CATSPERB: variants seen among roughly 807,000 people sequenced by gnomAD.
CATSPERB encodes the protein cation channel sperm-associated auxiliary subunit beta.
CATSPERB carries 93 observed loss-of-function variants against 128.3 expected under a neutral mutation model. That is an observed-to-expected ratio of 0.72 (90% CI 0.61 to 0.86). The LOEUF is 0.86. Among genes scored for constraint, CATSPERB ranks in the 40% least tolerant of loss-of-function variants. CATSPERB has a pLI of 0.00. For missense variants in CATSPERB, 1,153 were observed against 1,329.5 expected (o/e 0.87, Z 2.06); for synonymous variants, 381 against 448.8 (o/e 0.85, Z 1.91).
At position 91,691,537 on chromosome 14, in the gene CATSPERB, A is replaced by C; in HGVS notation, c.850T>G (p.Cys284Gly). Reference sequence around the variant, plus strand: ...AAGCTTCTTACCCTTTCAAAACCACAAAAGTCTGCCCTGGAAAACTAGAAG... The same window carrying C: ...AAGCTTCTTACCCTTTCAAAACCACCAAAGTCTGCCCTGGAAAACTAGAAG... ...HSLSFSRADF[C>G]GFERVDYVKG... Residue 284 changes from cysteine to glycine, a missense_variant, in exon 10 of 27, where the codon TGT becomes GGT. Transcript: ENST00000256343. 1.2e-6 allele frequency: 2 copies of C among 1,604,910 alleles called. No homozygotes were observed. Among genetic ancestry groups the C allele is most frequent in the Non-Finnish European group, 1.7e-6 (2 of 1,175,338 alleles).
At chr14:91,586,574 A>AGG (rs1893305129) in intron 26 of CATSPERB, among the ~76,000 whole-genome samples, 1 of 149,540 alleles carries the variant, frequency 6.7e-6, no homozygotes, top group African/African-American at 2.5e-5. Context: ...AGAGAGAAAG[A>AGG]GAGAGAGAGA....
intron 18 of CATSPERB, among the ~76,000 whole-genome samples, chr14:91,624,080 G>A (rs1282558261): frequency 6.6e-6 from 1 of 152,162 alleles, no homozygotes; most frequent in Non-Finnish European, 1.5e-5. Flanking sequence ...GAGTGTGGTG[G>A]CTAATGCCTA....
intron 5 of CATSPERB, among the ~76,000 whole-genome samples, chr14:91,712,056 A>G (rs1273936128): frequency 6.6e-6 from 1 of 152,202 alleles, no homozygotes; most frequent in African/African-American, 2.4e-5. Context: ...AATTTATTGG[A>G]TGCAGATAAA....
chr14:91,664,851 TCTGA>T (rs939427140), intron 14 of CATSPERB, among the ~76,000 whole-genome samples: 16 of 152,310 alleles, frequency 1.1e-4, no homozygotes, highest in Admixed American at 9.8e-4. Context: ...TATCTTTAAT[TCTGA>T]CTATTTATTG....
At chr14:91,680,663 GACA>G (rs1895264657) in intron 11 of CATSPERB, among the ~76,000 whole-genome samples, 1 of 151,780 alleles carries the variant, frequency 6.6e-6, no homozygotes, top group Non-Finnish European at 1.5e-5. Flanking sequence ...TGGAGGGCAT[GACA>G]GACCTGGGAA....
rs755061842 is a variant in CATSPERB at position 91,659,883 on chromosome 14, A to G, written c.1386T>C (p.Ala462=). 155 of 1,602,494 alleles carry G rather than the reference A, an allele frequency of 9.7e-5. No homozygotes were observed. The highest frequency in any genetic ancestry group is 1.3e-4 in the Non-Finnish European group (152 of 1,177,234). Residue 462 remains alanine (A), a synonymous_variant, in exon 15 of 27, where the codon GCT becomes GCC. Coordinates refer to ENST00000256343, the MANE Select transcript of CATSPERB (RefSeq NM_024764.4). ...KKTFHSFYTS[A]ITFVSQRGKV... The stretch of plus-strand genomic sequence containing the variant: ...TTCCACGTTGAGAAACAAAAGTAAT[A>G]GCTGATGTATAAAAACTATGAAAAG...
chr14:91,689,947 A>G (rs1008944499), intron 10 of CATSPERB, among the ~76,000 whole-genome samples: 1 of 152,264 alleles, frequency 6.6e-6, no homozygotes, highest in Non-Finnish European at 1.5e-5. Flanking sequence ...TTTTGGTTCC[A>G]TCCAATTATT....
intron 5 of CATSPERB, among the ~76,000 whole-genome samples, chr14:91,714,720 C>T (rs571117707): frequency 2.6e-4 from 39 of 151,842 alleles, no homozygotes; most frequent in South Asian, 6.3e-4. Flanking sequence ...CCACTGCGCC[C>T]GGCTAATTTT....
At chr14:91,624,072 G>A (rs1000317332) in intron 18 of CATSPERB, among the ~76,000 whole-genome samples, 1 of 152,168 alleles carries the variant, frequency 6.6e-6, no homozygotes, top group African/African-American at 2.4e-5. Context: ...CTTGGGCAGA[G>A]TGTGGTGGCT....
Position 91,621,671 on chromosome 14 carries a change from C to T in CATSPERB, c.2197G>A (p.Val733Met). Residue 733 changes from valine to methionine, a missense_variant, in exon 19 of 27, where the codon GTG becomes ATG. Transcript: ENST00000256343. ...QHDDSPSLNI[V>M]KYIDLGNSYV... ...GAGTTTCCCAGATCAATGTATTTCACGATGTTGAGGGATGGTGAATCATCA... is the reference window on the plus strand; with the variant it reads ...GAGTTTCCCAGATCAATGTATTTCATGATGTTGAGGGATGGTGAATCATCA... 1.2e-6 allele frequency: 2 copies of T among 1,613,458 alleles called. No homozygotes were observed. Among genetic ancestry groups the T allele is most frequent in the Non-Finnish European group, 1.7e-6 (2 of 1,179,544 alleles).
At chr14:91,718,952 T>G (rs1369695014) in intron 5 of CATSPERB, among the ~76,000 whole-genome samples, 1 of 152,216 alleles carries the variant, frequency 6.6e-6, no homozygotes, top group African/African-American at 2.4e-5. Context: ...TACTCACAGT[T>G]CCTGGAATTT....
At chr14:91,716,885 A>T (rs2139775677) in intron 5 of CATSPERB, among the ~76,000 whole-genome samples, 1 of 152,322 alleles carries the variant, frequency 6.6e-6, no homozygotes, top group Non-Finnish European at 1.5e-5. Flanking sequence ...CATACAACAC[A>T]GTAATCCTAC....
intron 19 of CATSPERB, among the ~76,000 whole-genome samples, chr14:91,620,702 T>C (rs1894026381): frequency 6.6e-6 from 1 of 152,198 alleles, no homozygotes; most frequent in African/African-American, 2.4e-5. Flanking sequence ...CATTCTGTGG[T>C]ATATACAAAG....
In CATSPERB at chr14:91,659,864, G is replaced by C; in HGVS notation, c.1405C>G (p.Arg469Gly). ...GCCTTTGTCGAGTAAACCTTTCCAC[G>C]TTGAGAAACAAAAGTAATAGCTGAT... ...YTSAITFVSQ[R>G]GKVYSTKAGM... The change falls in exon 15 of 27, where the codon CGT becomes GGT. Residue 469 changes from arginine to glycine, a missense_variant. Transcript: ENST00000256343. The C allele has an allele frequency of 6.2e-7, 1 of 1,606,218 alleles. No homozygotes were observed. The highest frequency in any genetic ancestry group is 8.5e-7 in the Non-Finnish European group (1 of 1,178,022).
At chr14:91,682,007 T>G (rs755608198) in intron 11 of CATSPERB, among the ~76,000 whole-genome samples, 1 of 152,238 alleles carries the variant, frequency 6.6e-6, no homozygotes, top group Non-Finnish European at 1.5e-5. Flanking sequence ...AATACATTAT[T>G]TATCTCTGCT....
At chr14:91,697,564 A>T (rs1895584500) in intron 7 of CATSPERB, among the ~76,000 whole-genome samples, 1 of 152,208 alleles carries the variant, frequency 6.6e-6, no homozygotes, top group African/African-American at 2.4e-5. Context: ...ATATGGAGAA[A>T]GGCAAGGATC....
chr14:91,599,545 C>CA (rs36175924), intron 22 of CATSPERB, among the ~76,000 whole-genome samples: 1,785 of 113,950 alleles, frequency 0.016, 91 homozygotes, highest in African/African-American at 0.055. Flanking sequence ...GGCGGCAGAG[C>CA]AAAAAAAAAA....
At chr14:91,674,090 T>C (rs1595174333) in intron 12 of CATSPERB, 86 bp downstream of exon 12, 14 of 758,084 alleles carry the variant, frequency 1.8e-5, no homozygotes, top group East Asian at 7.9e-5. Context: ...GTCTGTAGAA[T>C]TGCCATTTTT....
intron 17 of CATSPERB, among the ~76,000 whole-genome samples, chr14:91,627,839 G>A (rs1385044323): frequency 6.6e-6 from 1 of 152,016 alleles, no homozygotes; most frequent in Non-Finnish European, 1.5e-5. Flanking sequence ...CTAGCTGGGT[G>A]TGGTGGCACA....
Sources: allele counts gnomAD v4.1 joint callset (sites outside exome capture counted in the v4.1 genomes callset), GRCh38; gene constraint gnomAD v4.1.1; transcripts MANE v1.5; gene names NCBI Gene and HGNC (gene_info 2026-07-23, HGNC 2026-07-21).